Variants in NIPAL3 observed in about 807,000 individuals in gnomAD.
The protein encoded by NIPAL3 is NIPA-like protein 3.
Under a neutral mutation model 47.2 loss-of-function variants are expected in NIPAL3, and 41 were observed. That is an observed-to-expected ratio of 0.87 (90% CI 0.68 to 1.13). NIPAL3 has a LOEUF of 1.13. NIPAL3 is among the 50% of genes most tolerant of loss of function. NIPAL3 has a pLI of 0.00. For missense variants in NIPAL3, 449 were observed against 530.1 expected, an observed-to-expected ratio of 0.85 and a Z score of 1.50; for synonymous variants, 194 against 209.6, an observed-to-expected ratio of 0.93 and a Z score of 0.64.
At chr1:24,413,886 T>A (rs982342533), upstream of NIPAL3, 8 of 152,238 alleles carry the variant, frequency 5.3e-5, no homozygotes, top group African/African-American at 1.9e-4. Context: ...GGGCTTAGGT[T>A]AATTACATCA....
At chr1:24,448,247 G>A (rs1221943352) in intron 5 of NIPAL3, among the ~76,000 whole-genome samples, 2 of 152,196 alleles carry the variant, frequency 1.3e-5, no homozygotes, top group Non-Finnish European at 2.9e-5. Flanking sequence ...GTCACCATAA[G>A]TGTGTCTTAG....
At position 24,445,233 on chromosome 1, in the gene NIPAL3, A is replaced by G; in HGVS notation, c.383A>G (p.Lys128Arg). ...IIFIKEKWKP[K>R]DFLRRYVLSF... ...TTCATCAAGGAAAAGTGGAAACCGA[A>G]AGACTTTCTGAGTAAGTTCAGTGAT... Residue 128 changes from lysine to arginine, a missense_variant, in exon 5 of 12, where the codon AAA (lysine) becomes AGA (arginine). Transcript: ENST00000374399. 1 of 1,608,688 alleles carries G rather than the reference A, an allele frequency of 6.2e-7. No homozygotes were observed. The highest frequency in any genetic ancestry group is 1.1e-5 in the South Asian group (1 of 90,934).
Position 24,449,465 on chromosome 1 carries a change from C to G in NIPAL3, c.395-16C>G, listed in dbSNP as rs776491105. On this transcript the variant is annotated splice_polypyrimidine_tract_variant and intron_variant, in intron 5 of 11. Coordinates refer to ENST00000374399, the MANE Select transcript of NIPAL3 (RefSeq NM_020448.5). The surrounding 1 kb of genome is among the most constrained non-coding windows in gnomAD (Gnocchi z 4.5). Reference sequence around the variant, plus strand: ...TGTTGTTGCAATGAGTCCGTGACAGCCTCTCTTCCCCGCAGGGCGCTACGT... The same window carrying G: ...TGTTGTTGCAATGAGTCCGTGACAGGCTCTCTTCCCCGCAGGGCGCTACGT... The G allele has an allele frequency of 6.2e-7, 1 of 1,612,348 alleles. No individual in the cohort carries two copies.
intron 11 of NIPAL3, among the ~76,000 whole-genome samples, chr1:24,466,789 C>A (rs1034071214): frequency 6.6e-6 from 1 of 152,212 alleles, no homozygotes; most frequent in African/African-American, 2.4e-5. Context: ...AGCCAGCTCT[C>A]TTCCCTGAGA....
chr1:24,418,231 T>C (rs1644147358), intron 1 of NIPAL3, among the ~76,000 whole-genome samples: 2 of 152,240 alleles, frequency 1.3e-5, no homozygotes, highest in African/African-American at 4.8e-5. Flanking sequence ...TGCAGTAGAA[T>C]ACATTTCTAA....
intron 2 of NIPAL3, among the ~76,000 whole-genome samples, chr1:24,424,120 A>C (rs1644465559): frequency 1.3e-5 from 2 of 152,216 alleles, no homozygotes; most frequent in African/African-American, 4.8e-5. Flanking sequence ...ATGCCAGAGC[A>C]AAGCTGAATT....
chr1:24,462,154 AAAGC>A (rs1357950619), intron 10 of NIPAL3, among the ~76,000 whole-genome samples: 1 of 152,186 alleles, frequency 6.6e-6, no homozygotes, highest in Non-Finnish European at 1.5e-5. Flanking sequence ...AGCCCCTTAT[AAAGC>A]CATCAGATCT....
Position 24,449,917 on chromosome 1 carries a change from C to T in NIPAL3, c.540+291C>T, listed in dbSNP as rs190011292. ...ACATATCCTATGGAGGAATTCCACC[C>T]CTCATTTTATACTCAACAGAAATGC... On this transcript the variant is annotated intron_variant, in intron 6 of 11. Transcript: ENST00000374399. This position sits in a 1 kb window ranked among gnomAD's most constrained non-coding sequence, Gnocchi z 4.5. Among the ~76,000 whole-genome samples the T allele has an allele frequency of 1.3e-5, 2 of 152,204 alleles. No individual in the cohort carries two copies. The highest frequency in any genetic ancestry group is 3.9e-4 in the East Asian group (2 of 5,176).
chr1:24,419,654 T>C lies in NIPAL3; in HGVS notation c.93+14T>C. ...TTCTCCTACAAGGCAAGGGCTTTTT[T>C]GGGGTTTGGGAATTTGTATTTTCCT... On this transcript the variant is annotated intron_variant, in intron 2 of 11. Transcript: ENST00000374399. The C allele has an allele frequency of 6.2e-7, 1 of 1,611,114 alleles. No individual in the cohort carries two copies. Among genetic ancestry groups the C allele is most frequent in the Non-Finnish European group, 8.5e-7 (1 of 1,177,964 alleles).
At chr1:24,423,640 AC>A (rs1490524829) in intron 2 of NIPAL3, among the ~76,000 whole-genome samples, 5 of 151,982 alleles carry the variant, frequency 3.3e-5, no homozygotes, top group East Asian at 1.9e-4. Context: ...ACACACACAC[AC>A]AAAAAAGGCA....
intron 9 of NIPAL3, among the ~76,000 whole-genome samples, chr1:24,459,500 A>G (rs1009954888): frequency 6.6e-6 from 1 of 152,196 alleles, no homozygotes; most frequent in African/African-American, 2.4e-5. Flanking sequence ...AGAGGCTGCA[A>G]TCATATAAAG....
At chr1:24,427,591 C>G (rs1207092971) in intron 2 of NIPAL3, among the ~76,000 whole-genome samples, 2 of 151,984 alleles carry the variant, frequency 1.3e-5, no homozygotes, top group Non-Finnish European at 2.9e-5. Flanking sequence ...ATTGTGCCAC[C>G]TTTGAAGGAC....
intron 5 of NIPAL3, among the ~76,000 whole-genome samples, chr1:24,448,163 T>C (rs1324841837): frequency 6.6e-6 from 1 of 152,252 alleles, no homozygotes; most frequent in Non-Finnish European, 1.5e-5. Context: ...TTTAACATGG[T>C]ATCACATTTT....
chr1:24,436,762 C>T (rs1447878739), intron 2 of NIPAL3, among the ~76,000 whole-genome samples: 2 of 151,708 alleles, frequency 1.3e-5, no homozygotes, highest in Non-Finnish European at 1.5e-5. Flanking sequence ...GCCTCCCAAA[C>T]TGCTGGGATT....
Position 24,470,217 on chromosome 1 carries a change from T to C in NIPAL3, c.*1032T>C, listed in dbSNP as rs1288329871. 1.3e-5 allele frequency: 2 copies of C among 152,124 alleles called. No homozygotes were observed. Among genetic ancestry groups the C allele is most frequent in the African/African-American group, 2.4e-5 (1 of 41,414 alleles). The allele number at this position is 152,124 out of a possible 1,614,324, so 9.4% of individuals were successfully genotyped here. A position where few individuals can be genotyped will look rare whatever the true frequency, so the allele number is the denominator to read the frequency against. ...ATATATGTCTGGGAGAAGCAAGCAT[T>C]CTCCAAAACAGGGCTGTTGCTTTCT... On this transcript the variant is annotated 3_prime_UTR_variant, in exon 12 of 12. Coordinates refer to ENST00000374399, the MANE Select transcript of NIPAL3 (RefSeq NM_020448.5).
rs954021128 is a variant in NIPAL3, at chr1:24,419,617, A to G, written c.70A>G (p.Ser24Gly). The G allele has an allele frequency of 6.2e-7, 1 of 1,614,108 alleles. No homozygotes were observed. The highest frequency in any genetic ancestry group is 8.5e-7 in the Non-Finnish European group (1 of 1,179,982). ...LPPTSSSSAV[S>G]EASFSYKENL... The stretch of plus-strand genomic sequence containing the variant: ...TCCCACAAGTAGCTCCAGCGCCGTA[A>G]GCGAGGCCTCCTTCTCCTACAAGGC... Residue 24 changes from serine (S) to glycine (G), a missense_variant, in exon 2 of 12, where the codon AGC becomes GGC. Physicochemically the swap from Ser to Gly is moderately conservative, Grantham distance 56. Coordinates refer to ENST00000374399, the MANE Select transcript of NIPAL3 (RefSeq NM_020448.5).
In NIPAL3 at chr1:24,469,518, CTTCAGAGCTA is replaced by C. The variant is rs1646835447; in HGVS notation, c.*334_*343del. 1 of 239,664 alleles carries C rather than the reference CTTCAGAGCTA, an allele frequency of 4.2e-6. No individual in the cohort carries two copies. Among genetic ancestry groups the C allele is most frequent in the African/African-American group, 2.2e-5 (1 of 45,334 alleles). 14.8% of individuals were successfully genotyped at this position (239,664 alleles called of 1,614,324 possible). ...GACAGTGACCAAAGGATGCTGTATC[CTTCAGAGCTA>C]AGGCAAGACAGAGAGTCTGCTGTTA... On this transcript the variant is annotated 3_prime_UTR_variant, in exon 12 of 12. Coordinates refer to ENST00000374399, the MANE Select transcript of NIPAL3 (RefSeq NM_020448.5).
intron 2 of NIPAL3, among the ~76,000 whole-genome samples, chr1:24,438,841 G>A (rs1645245762): frequency 1.3e-5 from 2 of 152,108 alleles, no homozygotes. Context: ...GTGTTCAGTG[G>A]TGGAATATGG....
chr1:24,443,015 G>T (rs1645471212), intron 4 of NIPAL3, among the ~76,000 whole-genome samples: 1 of 152,122 alleles, frequency 6.6e-6, no homozygotes, highest in African/African-American at 2.4e-5. Context: ...GCCAGGCCAG[G>T]CTGGTCTCAA....
Sources: allele counts gnomAD v4.1 joint callset (sites outside exome capture counted in the v4.1 genomes callset), GRCh38; gene constraint gnomAD v4.1.1; non-coding constraint Gnocchi (gnomAD v3.1); transcripts MANE v1.5; gene names NCBI Gene and HGNC (gene_info 2026-07-23, HGNC 2026-07-21).